SPG11: variants seen among roughly 807,000 people sequenced by gnomAD.
SPG11 encodes the protein spatacsin.
A neutral mutation model predicts 274.0 loss-of-function variants in SPG11; 222 were observed. The observed-to-expected ratio is 0.81, with a 90% CI of 0.73 to 0.91. The LOEUF is 0.91. SPG11 is among the 40% of genes least tolerant of loss of function. The pLI is 0.00. For synonymous variants in SPG11, 1,144 were observed against 1,039.7 expected (o/e 1.10, Z -1.93); for missense variants, 3,114 against 2,872.7 (o/e 1.08, Z -1.92).
At chr15:44,578,291 A>T (rs540157376) in intron 30 of SPG11, among the ~76,000 whole-genome samples, 1 of 149,598 alleles carries the variant, frequency 6.7e-6, no homozygotes, top group Non-Finnish European at 1.5e-5. Context: ...TCGGCCTCCC[A>T]AAGTGCTGGG....
At position 44,621,823 on chromosome 15, in the gene SPG11, A is replaced by G. The variant is rs754045563; in HGVS notation, c.2556T>C (p.Asn852=). 8.1e-6 allele frequency: 13 copies of G among 1,614,068 alleles called. No individual in the cohort carries two copies. The Admixed American group carries it at 1.2e-4, about 14-fold the overall frequency. ...TTAGTTGATCCCACCACAGAGCCCA[A>G]TTTAACACAATTCTATGGTCCTGTT... ...FNKQDHRIVL[N]WALWWDQLTQ... The change falls in exon 14 of 40, where the codon AAT becomes AAC. Residue 852 remains asparagine (N), a synonymous_variant. Coordinates refer to ENST00000261866, the MANE Select transcript of SPG11 (RefSeq NM_025137.4).
chr15:44,633,645 G>A lies in SPG11; in HGVS notation c.1603-8C>T, dbSNP rs756665513. 4 of 1,612,396 alleles carry A rather than the reference G, an allele frequency of 2.5e-6. No individual in the cohort carries two copies. In the Admixed American group the frequency reaches 5.0e-5, roughly 20 times the overall value. On this transcript the variant is annotated splice_polypyrimidine_tract_variant and splice_region_variant and intron_variant, in intron 7 of 39. Coordinates refer to ENST00000261866, the MANE Select transcript of SPG11 (RefSeq NM_025137.4). ...ACGATTTTCTATCCCGGCCTGAAAT[G>A]AGGAGGAAAATAAAAATCAGAAAAA...
chr15:44,659,182 G>C lies in SPG11; in HGVS notation c.564C>G (p.Leu188=). 1.2e-6 allele frequency: 2 copies of C among 1,614,194 alleles called. No individual in the cohort carries two copies. Among genetic ancestry groups the C allele is most frequent in the Non-Finnish European group, 1.7e-6 (2 of 1,180,012 alleles). ...FPERDAAIRV[L]NCFTLPLPAQ... is the part of the protein sequence containing the mutation. Reference sequence around the variant, plus strand: ...CAGGCAAGGGAAGTGTGAAACAGTTGAGTACTCTAATTGCAGCATCTCTTT... The same window carrying C: ...CAGGCAAGGGAAGTGTGAAACAGTTCAGTACTCTAATTGCAGCATCTCTTT... The change falls in exon 3 of 40, where the codon CTC becomes CTG. Residue 188 remains leucine, a synonymous_variant. Transcript: ENST00000261866.
chr15:44,586,032 T>C (rs138735620), intron 28 of SPG11, among the ~76,000 whole-genome samples, 182 bp from the exon 29 acceptor site: 379 of 140,052 alleles, frequency 2.7e-3, no homozygotes, highest in Middle Eastern at 7.2e-3. Context: ...TCACCTAGGC[T>C]GGAATGCAGT....
At chr15:44,590,209 G>A (rs548903210) in intron 27 of SPG11, among the ~76,000 whole-genome samples, 2 of 152,142 alleles carry the variant, frequency 1.3e-5, no homozygotes, top group Admixed American at 6.5e-5. Flanking sequence ...ACATTACTTC[G>A]CTAGTTCTAC....
rs778749256 is a variant in SPG11 at position 44,628,694 on chromosome 15, T to C, written c.2042A>G (p.Asn681Ser). The C allele has an allele frequency of 1.2e-6, 2 of 1,613,762 alleles. No individual in the cohort carries two copies. Among genetic ancestry groups the C allele is most frequent in the African/African-American group, 2.7e-5 (2 of 75,072 alleles). Residue 681 changes from asparagine (N) to serine (S), a missense_variant, in exon 10 of 40, where the codon AAT (asparagine) becomes AGT (serine). By Grantham distance (46) the Asn-to-Ser change is conservative. Transcript: ENST00000261866. ...HENVPKVKES[N>S]IWKKLSFEEV... ...CTCAAAGCTGAGTTTCTTCCATATATTGCTCTCCTTTACTTTGGGGACATT... is the reference window on the plus strand; with the variant it reads ...CTCAAAGCTGAGTTTCTTCCATATACTGCTCTCCTTTACTTTGGGGACATT...
At chr15:44,599,567 G>C (rs1026772177) in intron 21 of SPG11, among the ~76,000 whole-genome samples, 5 of 152,078 alleles carry the variant, frequency 3.3e-5, no homozygotes, top group African/African-American at 1.2e-4. Flanking sequence ...CAAAATGCTG[G>C]GATTACAGGT....
chr15:44,623,781 G>A (rs2083820533), intron 11 of SPG11, among the ~76,000 whole-genome samples: 1 of 151,796 alleles, frequency 6.6e-6, no homozygotes, highest in Non-Finnish European at 1.5e-5. Context: ...TTTTGAGACA[G>A]GGTCTCGCTC....
Position 44,563,091 on chromosome 15 carries a change from G to A in SPG11, c.*30C>T. On this transcript the variant is annotated 3_prime_UTR_variant, in exon 40 of 40. Coordinates refer to ENST00000261866, the MANE Select transcript of SPG11 (RefSeq NM_025137.4). ...TCACATCTGTCAGAATCTGCTAACAGTACAAGAAAACAGACACCTATGAAA... is the reference window on the plus strand; with the variant it reads ...TCACATCTGTCAGAATCTGCTAACAATACAAGAAAACAGACACCTATGAAA... The A allele has an allele frequency of 6.2e-7, 1 of 1,608,632 alleles. No homozygotes were observed. Among genetic ancestry groups the A allele is most frequent in the Non-Finnish European group, 8.5e-7 (1 of 1,175,442 alleles).
At chr15:44,597,241 T>C (rs1478196070) in intron 23 of SPG11, 2 of 312,610 alleles carry the variant, frequency 6.4e-6, no homozygotes, top group Admixed American at 8.6e-5. Context: ...AGCCTCCGAG[T>C]AGCTGGGATT....
intron 30 of SPG11, among the ~76,000 whole-genome samples, chr15:44,580,051 G>C (rs1414594950): frequency 6.6e-6 from 1 of 152,168 alleles, no homozygotes; most frequent in Non-Finnish European, 1.5e-5. Context: ...TTAACGTTAA[G>C]AGCCCTTTAC....
intron 27 of SPG11, chr15:44,590,826 C>T (rs963420410): frequency 5.3e-5 from 8 of 152,110 alleles, no homozygotes; most frequent in African/African-American, 1.9e-4. Flanking sequence ...CTGAGTTAGG[C>T]CCTAGTCTTG....
intron 7 of SPG11, among the ~76,000 whole-genome samples, chr15:44,636,046 T>G (rs999053993): frequency 3.3e-5 from 5 of 152,028 alleles, no homozygotes; most frequent in African/African-American, 4.8e-5. Context: ...CAATAGATAT[T>G]GGGAGGGGCC....
chr15:44,577,685 G>C (rs2082568864), intron 30 of SPG11, among the ~76,000 whole-genome samples: 1 of 151,992 alleles, frequency 6.6e-6, no homozygotes, highest in Non-Finnish European at 1.5e-5. Flanking sequence ...TACAAAACCT[G>C]GACATAATAC....
rs368324648 is a variant in SPG11, at chr15:44,636,957, AC to A, written c.1603-3321del. Among the ~76,000 whole-genome samples, 623 of 122,452 alleles carry A rather than the reference AC, an allele frequency of 5.1e-3. 77 individuals carry two copies. The highest frequency in any genetic ancestry group is 6.5e-3 in the Non-Finnish European group (401 of 61,386). The allele number at this position is 122,452 out of a possible 152,430, so 80.3% of individuals were successfully genotyped here. Reference sequence around the variant, plus strand: ...AAAAAAAAAAAAAAAAAAAAAAAAAACAAAAAAAAAACACAAATGTGGTAAA... The same window carrying A: ...AAAAAAAAAAAAAAAAAAAAAAAAAAAAAAAAAAAACACAAATGTGGTAAA... On this transcript the variant is annotated intron_variant, in intron 7 of 39. Transcript: ENST00000261866.
intron 20 of SPG11, 119 bp downstream of exon 20, chr15:44,605,906 G>GA: frequency 1.1e-6 from 1 of 886,750 alleles, no homozygotes; most frequent in Non-Finnish European, 1.8e-6. Context: ...TTTTCCTTTG[G>GA]AATACACCTT....
chr15:44,646,412 T>C (rs2084612641), intron 7 of SPG11, among the ~76,000 whole-genome samples: 1 of 152,188 alleles, frequency 6.6e-6, no homozygotes, highest in Admixed American at 6.5e-5. Flanking sequence ...ATGCCTTACA[T>C]GGTGGCAGAG....
At chr15:44,635,804 C>G (rs2084229530) in intron 7 of SPG11, among the ~76,000 whole-genome samples, 2 of 151,464 alleles carry the variant, frequency 1.3e-5, no homozygotes, top group Non-Finnish European at 2.9e-5. Flanking sequence ...GCAGTCCCAG[C>G]TATTTGGGAG....
intron 22 of SPG11, 124 bp downstream of exon 22, chr15:44,598,507 C>T (rs935059769): frequency 1.6e-6 from 2 of 1,257,372 alleles, no homozygotes; most frequent in Non-Finnish European, 1.2e-6. Context: ...AAAGAACACA[C>T]ACTCTGCAGG....
Sources: allele counts gnomAD v4.1 joint callset (sites outside exome capture counted in the v4.1 genomes callset), GRCh38; gene constraint gnomAD v4.1.1; transcripts MANE v1.5; gene names NCBI Gene and HGNC (gene_info 2026-07-23, HGNC 2026-07-21).